The following SYNE1 variants were observed in gnomAD, a reference collection of about 807,000 sequenced individuals.
SYNE1 encodes the protein nesprin-1.
A neutral mutation model predicts 1,111.0 loss-of-function variants in SYNE1; 616 were observed. That is an observed-to-expected ratio of 0.55 (90% CI 0.52 to 0.59). The LOEUF (loss-of-function observed/expected upper bound fraction) is 0.59. SYNE1 is among the 20% of genes least tolerant of loss of function. The pLI is 0.00. For missense variants in SYNE1, 10,006 were observed against 10,417.0 expected (o/e 0.96, Z 1.72); for synonymous variants, 3,855 against 3,825.8 (o/e 1.01, Z -0.28).
At chr6:152,391,212 G>A (rs1446364100) in intron 52 of SYNE1, 65 bp downstream of exon 52, 2 of 1,604,156 alleles carry the variant, frequency 1.2e-6, no homozygotes, top group Non-Finnish European at 1.7e-6. Context: ...CACAACACAA[G>A]CACTTGTGAA....
chr6:152,408,004 C>T (rs899676019), intron 44 of SYNE1, among the ~76,000 whole-genome samples: 1 of 151,984 alleles, frequency 6.6e-6, no homozygotes, highest in East Asian at 1.9e-4. Flanking sequence ...CTGAAGTGAT[C>T]TGCCCACCTC....
intron 98 of SYNE1, 105 bp from the exon 99 acceptor site, chr6:152,269,391 G>A: frequency 6.4e-7 from 1 of 1,561,004 alleles, no homozygotes; most frequent in Non-Finnish European, 8.8e-7. Context: ...ATACCAAAGT[G>A]GCTCCACTGG....
chr6:152,149,420 C>G, intron 136 of SYNE1, 57 bp downstream of exon 136: 1 of 1,606,360 alleles, frequency 6.2e-7, no homozygotes, highest in Admixed American at 1.7e-5. Flanking sequence ...CAACCCAATC[C>G]CACACGACTT....
chr6:152,410,514 C>G (rs2098012332), intron 42 of SYNE1: 1 of 152,220 alleles, frequency 6.6e-6, no homozygotes, highest in South Asian at 2.1e-4. Flanking sequence ...GCAGGCTGAT[C>G]ACTTGAGGCC....
chr6:152,476,218 C>T (rs7751588), intron 14 of SYNE1, among the ~76,000 whole-genome samples: 24,057 of 152,140 alleles, frequency 0.16, 2,126 homozygotes, highest in East Asian at 0.43. Flanking sequence ...TCCACATATC[C>T]TCTTGGATGA....
At chr6:152,441,434 T>C (rs2098529221) in intron 31 of SYNE1, among the ~76,000 whole-genome samples, 164 bp from the exon 32 acceptor site, 1 of 152,224 alleles carries the variant, frequency 6.6e-6, no homozygotes, top group Non-Finnish European at 1.5e-5. Flanking sequence ...AGAATTTCTT[T>C]TCTCTATGTT....
At chr6:152,441,443 T>C (rs1295679993) in intron 31 of SYNE1, among the ~76,000 whole-genome samples, 173 bp from the exon 32 acceptor site, 1 of 152,218 alleles carries the variant, frequency 6.6e-6, no homozygotes. Flanking sequence ...TTTCTCTATG[T>C]TAATGTTTTC....
chr6:152,320,777 C>A (rs971641574), intron 84 of SYNE1, among the ~76,000 whole-genome samples: 12 of 152,130 alleles, frequency 7.9e-5, no homozygotes, highest in East Asian at 7.7e-4. Flanking sequence ...CATTAGGGGA[C>A]CCACCCGCAT....
At chr6:152,220,578 T>A (rs563239449) in intron 119 of SYNE1, among the ~76,000 whole-genome samples, 1 of 152,208 alleles carries the variant, frequency 6.6e-6, no homozygotes, top group Non-Finnish European at 1.5e-5. Flanking sequence ...ACAAAGAGCC[T>A]CAATCTTTCA....
chr6:152,455,353 C>G (rs1265732595), intron 24 of SYNE1, 73 bp downstream of exon 24: 8 of 1,519,810 alleles, frequency 5.3e-6, no homozygotes, highest in African/African-American at 1.4e-5. Context: ...GATCAGCATG[C>G]CTTTTTTAAG....
rs201619636 is a variant in SYNE1, at chr6:152,471,748, G to A, written c.1481C>T (p.Ser494Phe). The change falls in exon 16 of 146, where the codon TCC (serine) becomes TTC (phenylalanine). Residue 494 changes from serine to phenylalanine, a missense_variant. This residue lies in a region of SYNE1 where 1,971 missense variants were observed against 2,084.1 expected (regional missense o/e 0.95). Coordinates refer to ENST00000367255, the MANE Select transcript of SYNE1 (RefSeq NM_182961.4). Reference sequence around the variant, plus strand: ...TTTCATTAGGTGTAGCTCTGATGTGGAGGAAACAAAATGAAACCTAGAAAT... The same window carrying A: ...TTTCATTAGGTGTAGCTCTGATGTGAAGGAAACAAAATGAAACCTAGAAAT... ...DMAERFHFVS[S>F]TSELHLMKME... The A allele has an allele frequency of 6.8e-6, 11 of 1,613,684 alleles. No homozygotes were observed. The South Asian group carries it at 1.2e-4, about 18-fold the overall frequency.
chr6:152,333,401 A>C (rs2096295603), intron 77 of SYNE1, among the ~76,000 whole-genome samples: 1 of 152,220 alleles, frequency 6.6e-6, no homozygotes, highest in African/African-American at 2.4e-5. Flanking sequence ...ATGAATTCAT[A>C]GATGATATCC....
chr6:152,133,192 A>G, intron 143 of SYNE1, 84 bp downstream of exon 143: 1 of 1,263,436 alleles, frequency 7.9e-7, no homozygotes, highest in South Asian at 1.2e-5. Flanking sequence ...TACTATATTT[A>G]AAGTCTTTCT....
chr6:152,411,284 T>A (rs115953000), intron 42 of SYNE1, among the ~76,000 whole-genome samples: 21 of 152,226 alleles, frequency 1.4e-4, no homozygotes, highest in African/African-American at 5.1e-4. Context: ...CTTCAGCCTG[T>A]ACCACACTGA....
rs2099262318 is a variant in SYNE1 at position 152,540,109 on chromosome 6, G to T, written c.68-88C>A. 6.7e-6 allele frequency: 9 copies of T among 1,337,694 alleles called. No homozygotes were observed. In the East Asian group the frequency reaches 2.1e-4, roughly 31 times the overall value. 82.9% of individuals were successfully genotyped at this position (1,337,694 alleles called of 1,614,324 possible). On this transcript the variant is annotated intron_variant, in intron 3 of 145. Coordinates refer to ENST00000367255, the MANE Select transcript of SYNE1 (RefSeq NM_182961.4). ...AAGTCCTATTTACACAAATCTGGAA[G>T]GAATCGTGAAATCGTTTTCTCATTC...
At chr6:152,403,037 G>A (rs988749119) in intron 46 of SYNE1, among the ~76,000 whole-genome samples, 1 of 152,074 alleles carries the variant, frequency 6.6e-6, no homozygotes, top group African/African-American at 2.4e-5. Flanking sequence ...TCAGGTCAGA[G>A]CAAAAGCATA....
Position 152,350,243 on chromosome 6 carries a change from A to T in SYNE1, c.11826T>A (p.Ser3942=), listed in dbSNP as rs745919716. Residue 3942 remains serine (S), a synonymous_variant, in exon 72 of 146, where the codon TCT becomes TCA. Transcript: ENST00000367255. ...GGAGGTCAGGTGCCACCAGTCTGCC[A>T]GACATCTGCAGCAGCCACTTTTCGA... is the stretch of plus-strand genomic sequence containing the variant. ...QEVEKWLLQM[S]GRLVAPDLLE... 5.0e-6 allele frequency: 8 copies of T among 1,614,170 alleles called. No individual in the cohort carries two copies. Among genetic ancestry groups the T allele is most frequent in the Admixed American group, 1.7e-5 (1 of 60,016 alleles).
chr6:152,442,078 G>T lies in SYNE1; in HGVS notation c.4005C>A (p.Ile1335=). ...ERSRERQERR[I]QVTLRKWERF... ...GCCCCTAACTTCCGGCTCCTACCTG[G>T]ATGCGGCGTTCCTGCCTCTCCCGGC... The change falls in exon 31 of 146, where the codon ATC becomes ATA. Residue 1335 remains isoleucine (I), a synonymous_variant. Transcript: ENST00000367255. The T allele has an allele frequency of 6.2e-7, 1 of 1,614,134 alleles. No individual in the cohort carries two copies. Among genetic ancestry groups the T allele is most frequent in the Non-Finnish European group, 8.5e-7 (1 of 1,180,050 alleles).
At position 152,325,937 on chromosome 6, in the gene SYNE1, T is replaced by A. The variant is rs752691909; in HGVS notation, c.15438+21A>T. The A allele has an allele frequency of 3.7e-6, 6 of 1,613,914 alleles. No individual in the cohort carries two copies. The African/African-American group carries it at 4.0e-5, about 11-fold the overall frequency. ...ATAATTATAGAAAAAGGATTTTTTT[T>A]AAATGGCCCAAAACTCTGACCTTGT... On this transcript the variant is annotated intron_variant, in intron 80 of 145. Coordinates refer to ENST00000367255, the MANE Select transcript of SYNE1 (RefSeq NM_182961.4).
Sources: allele counts gnomAD v4.1 joint callset (sites outside exome capture counted in the v4.1 genomes callset), GRCh38; gene constraint gnomAD v4.1.1; regional missense constraint gnomAD v4.1.1; transcripts MANE v1.5; gene names NCBI Gene and HGNC (gene_info 2026-07-23, HGNC 2026-07-21).